Variants in SH3BP1 observed in about 807,000 individuals in gnomAD.
SH3BP1 encodes SH3 domain binding protein 1, also known as SH3 domain-binding protein 1.
In SH3BP1, 46 loss-of-function variants were observed where a neutral mutation model predicts 69.8. The ratio of observed to expected loss-of-function variants is 0.66; its 90% CI spans 0.52 to 0.84. The LOEUF (loss-of-function observed/expected upper bound fraction) is 0.84, where lower values mean the gene tolerates loss of function less well. Ranked by LOEUF, SH3BP1 falls within the 40% of genes least tolerant of loss-of-function variation. SH3BP1 has a pLI of 0.00. For synonymous variants in SH3BP1, 403 were observed against 378.0 expected (o/e 1.07, Z -0.77); for missense variants, 868 against 930.9 (o/e 0.93, Z 0.88).
chr22:37,651,918 A>C (rs371317751), intron 16 of SH3BP1, among the ~76,000 whole-genome samples: 1 of 152,036 alleles, frequency 6.6e-6, no homozygotes, highest in African/African-American at 2.4e-5. Context: ...GGGCCAGGAA[A>C]GACCTCGCTA....
chr22:37,650,698 C>T lies in SH3BP1; in HGVS notation c.1571C>T (p.Ala524Val). 1 of 1,612,614 alleles carries T rather than the reference C, an allele frequency of 6.2e-7. No homozygotes were observed. The change falls in exon 16 of 18, where the codon GCC (alanine) becomes GTC (valine). Residue 524 changes from alanine to valine, a missense_variant. Transcript: ENST00000649765. ...GCTCCAGCTCCAGCTCCGGCCCCAGCCTTGGCTTCAGCAGCTACCAAGGAA... is the reference window on the plus strand; with the variant it reads ...GCTCCAGCTCCAGCTCCGGCCCCAGTCTTGGCTTCAGCAGCTACCAAGGAA... ...APAPAPAPAP[A>V]LASAATKERT... is the part of the protein sequence containing the mutation.
chr22:37,654,325 C>T (rs901360638), intron 17 of SH3BP1, among the ~76,000 whole-genome samples: 2 of 152,114 alleles, frequency 1.3e-5, no homozygotes, highest in Non-Finnish European at 2.9e-5. Context: ...AAACCCAGCA[C>T]TTTGGGAGGC....
In SH3BP1 at chr22:37,647,457, G is replaced by C. The variant is rs763783835; in HGVS notation, c.1135G>C (p.Ala379Pro). 26 of 1,611,270 alleles carry C rather than the reference G, an allele frequency of 1.6e-5. No individual in the cohort carries two copies. The highest frequency in any genetic ancestry group is 1.9e-5 in the Non-Finnish European group (23 of 1,179,504). The change falls in exon 13 of 18, where the codon GCC becomes CCC. Residue 379 changes from alanine (A) to proline (P), a missense_variant. Ala to Pro is a conservative substitution (Grantham distance 27, BLOSUM62 -1). Transcript: ENST00000649765. ...CCCCCCCAGCCTGAAGGAGCCAGGG[G>C]CCCGGCTGCAGGCCCTCCAAGAGGT... ...MRAASLKEPGARLQALQEVCS... is the reference protein window; with the variant it reads ...MRAASLKEPGPRLQALQEVCS...
In SH3BP1 at chr22:37,644,969, A is replaced by G; in HGVS notation, c.778+9A>G. The G allele has an allele frequency of 6.2e-7, 1 of 1,612,844 alleles. No individual in the cohort carries two copies. Among genetic ancestry groups the G allele is most frequent in the Non-Finnish European group, 8.5e-7 (1 of 1,179,388 alleles). On this transcript the variant is annotated intron_variant, in intron 9 of 17. Coordinates refer to ENST00000649765, the MANE Select transcript of SH3BP1 (RefSeq NM_018957.6). ...GAACCACGGCCAAGCAGGTGGGGAC[A>G]TAGGCCCGGCGATACCACACCCCTG...
In SH3BP1 at chr22:37,645,377, C is replaced by T. The variant is rs756606181; in HGVS notation, c.791C>T (p.Ser264Leu). The change falls in exon 10 of 18, where the codon TCG (serine) becomes TTG (leucine). Residue 264 changes from serine (S) to leucine (L), a missense_variant. Physicochemically the swap from Ser to Leu is moderately radical, Grantham distance 145 (BLOSUM62 -2). Transcript: ENST00000649765. ...TTCATCCCTGCAGACCACTCCCCTT[C>T]GATGACAGCCACCCACTTCCCCAGG... ...ENHGQADHSP[S>L]MTATHFPRVY... 14 of 1,609,104 alleles carry T rather than the reference C, an allele frequency of 8.7e-6. No individual in the cohort carries two copies. In the East Asian group the frequency reaches 1.6e-4, roughly 18 times the overall value.
intron 1 of SH3BP1, among the ~76,000 whole-genome samples, chr22:37,640,180 C>T (rs1932531912): frequency 6.6e-6 from 1 of 152,118 alleles, no homozygotes; most frequent in Non-Finnish European, 1.5e-5. Flanking sequence ...CTCACTTGTC[C>T]CCTCTGGACA....
Position 37,642,385 on chromosome 22 carries a change from C to T in SH3BP1, c.208-154C>T, listed in dbSNP as rs1932628805. 7 of 666,606 alleles carry T rather than the reference C, an allele frequency of 1.1e-5. 1 individual carries two copies. The Admixed American group carries it at 1.3e-4, about 12-fold the overall frequency. 41.3% of individuals were successfully genotyped at this position (666,606 alleles called of 1,614,324 possible). A position where few individuals can be genotyped will look rare whatever the true frequency, so the allele number is the denominator to read the frequency against. ...TCCATCCATGCTCTCAGGGAAATGT[C>T]ACCCCCACCACGCCTTGTCATCTTG... On this transcript the variant is annotated intron_variant, in intron 3 of 17. Transcript: ENST00000649765.
In SH3BP1 at chr22:37,639,963, A is replaced by G. The variant is rs1044345843; in HGVS notation, c.59+117A>G. Reference sequence around the variant, plus strand: ...GGGACAGCTGGGCAGCCACCCTCTGAGCGGCCAGACTCCTGCTCTCTCTTC... The same window carrying G: ...GGGACAGCTGGGCAGCCACCCTCTGGGCGGCCAGACTCCTGCTCTCTCTTC... On this transcript the variant is annotated intron_variant, in intron 1 of 17. Coordinates refer to ENST00000649765, the MANE Select transcript of SH3BP1 (RefSeq NM_018957.6). The G allele has an allele frequency of 8.2e-6, 6 of 734,088 alleles. No individual in the cohort carries two copies. In the Admixed American group the frequency reaches 1.0e-4, roughly 13 times the overall value. The allele number at this position is 734,088 out of a possible 1,614,324, so 45.5% of individuals were successfully genotyped here.
intron 10 of SH3BP1, among the ~76,000 whole-genome samples, chr22:37,645,896 A>G (rs1569007694): frequency 1.3e-5 from 2 of 150,442 alleles, no homozygotes; most frequent in African/African-American, 4.9e-5. Flanking sequence ...GGTGGCAGAT[A>G]CCCCAAAACA....
At chr22:37,646,626 C>A in intron 10 of SH3BP1, 192 bp from the exon 11 acceptor site, 1 of 426,950 alleles carries the variant, frequency 2.3e-6, no homozygotes, top group Non-Finnish European at 4.2e-6. Context: ...ACTTCCCAGC[C>A]CTGCCCTTTG....
chr22:37,646,000 T>C (rs1932780414), intron 10 of SH3BP1, among the ~76,000 whole-genome samples: 1 of 146,366 alleles, frequency 6.8e-6, no homozygotes, highest in East Asian at 2.0e-4. Flanking sequence ...GGAGTGTTGC[T>C]CTGTTACCCA....
chr22:37,640,843 G>A (rs1031313248), intron 1 of SH3BP1: 19 of 492,236 alleles, frequency 3.9e-5, no homozygotes, highest in Non-Finnish European at 5.4e-5. Context: ...GCTGGGCCCC[G>A]GGTGGGTCTC....
At chr22:37,645,075 G>C in intron 9 of SH3BP1, 115 bp downstream of exon 9, 1 of 1,013,234 alleles carries the variant, frequency 9.9e-7, no homozygotes, top group Non-Finnish European at 1.5e-6. Context: ...GGTTCTGAGA[G>C]CTAGGCTCAA....
rs749090145 is a variant in SH3BP1 at position 37,650,672 on chromosome 22, GGCTCCA to G, written c.1557_1562del (p.Pro523_Ala524del). On this transcript the variant is annotated inframe_deletion, in exon 16 of 18. Transcript: ENST00000649765. ...CAGCCACCACCCCGGCTCCGGCTCC[GGCTCCA>G]GCTCCAGCTCCGGCCCCAGCCTTGG... 98 of 1,613,598 alleles carry G rather than the reference GGCTCCA, an allele frequency of 6.1e-5. No homozygotes were observed. Among genetic ancestry groups the G allele is most frequent in the Non-Finnish European group, 7.5e-5 (89 of 1,179,894 alleles).
Position 37,647,437 on chromosome 22 carries a change from C to T in SH3BP1, c.1119-4C>T. 3.1e-6 allele frequency: 5 copies of T among 1,611,246 alleles called. No homozygotes were observed. Among genetic ancestry groups the T allele is most frequent in the Non-Finnish European group, 4.2e-6 (5 of 1,178,680 alleles). On this transcript the variant is annotated splice_polypyrimidine_tract_variant and splice_region_variant and intron_variant, in intron 12 of 17. Transcript: ENST00000649765. ...GGCTGACAGGTCTCTCCACTCCCCC[C>T]CAGCCTGAAGGAGCCAGGGGCCCGG...
Position 37,646,839 on chromosome 22 carries a change from G to A in SH3BP1, c.946G>A (p.Gly316Arg). 6.5e-7 allele frequency: 1 copy of A among 1,544,738 alleles called. No individual in the cohort carries two copies. The highest frequency in any genetic ancestry group is 8.7e-7 in the Non-Finnish European group (1 of 1,147,584). Residue 316 changes from glycine (G) to arginine (R), a missense_variant, in exon 11 of 18, where the codon GGG (glycine) becomes AGG (arginine). Around this residue, in one of 3 missense-constraint regions of SH3BP1, gnomAD observed 387 missense variants for 447.9 expected, o/e 0.86. Coordinates refer to ENST00000649765, the MANE Select transcript of SH3BP1 (RefSeq NM_018957.6). ...CCAGGGTCTCTTCCGTCTGGCTGCTGGGGCCTCGGTGCTGAAGCGTCTCAA... is the reference window on the plus strand; with the variant it reads ...CCAGGGTCTCTTCCGTCTGGCTGCTAGGGCCTCGGTGCTGAAGCGTCTCAA... ...KEEGLFRLAA[G>R]ASVLKRLKQT...
intron 4 of SH3BP1, 102 bp from the exon 5 acceptor site, chr22:37,642,793 A>G (rs1306988819): frequency 6.3e-7 from 1 of 1,593,688 alleles, no homozygotes; most frequent in African/African-American, 1.3e-5. Context: ...GATGAAGGAT[A>G]TCTAGGAGGG....
rs1933014762 is a variant in SH3BP1, at chr22:37,655,650, C to A, written c.2072C>A (p.Pro691His). ...VPTPPAIPPQPRPRSLASETN is the reference protein window; with the variant it reads ...VPTPPAIPPQHRPRSLASETN ...ACTCCCCCAGCTATCCCCCCTCAGC[C>A]CCGCCCCAGGAGCCTTGCCTCAGAG... The change falls in exon 18 of 18, where the codon CCC (proline) becomes CAC (histidine). Residue 691 changes from proline (P) to histidine (H), a missense_variant. Around this residue, in one of 3 missense-constraint regions of SH3BP1, gnomAD observed 474 missense variants for 462.3 expected, o/e 1.03. Transcript: ENST00000649765. 7 of 1,532,662 alleles carry A rather than the reference C, an allele frequency of 4.6e-6. No individual in the cohort carries two copies. Among genetic ancestry groups the A allele is most frequent in the Non-Finnish European group, 5.3e-6 (6 of 1,141,968 alleles). 94.9% of individuals were successfully genotyped at this position (1,532,662 alleles called of 1,614,324 possible).
intron 12 of SH3BP1, 26 bp downstream of exon 12, chr22:37,647,374 A>G (rs1043321624): frequency 6.2e-7 from 1 of 1,612,502 alleles, no homozygotes; most frequent in Non-Finnish European, 8.5e-7. Context: ...GAGGGAGGGG[A>G]TGGGGAGGAG....
Sources: allele counts gnomAD v4.1 joint callset (sites outside exome capture counted in the v4.1 genomes callset), GRCh38; gene constraint gnomAD v4.1.1; regional missense constraint gnomAD v4.1.1; transcripts MANE v1.5; gene names NCBI Gene and HGNC (gene_info 2026-07-23, HGNC 2026-07-21).